The following PCDH15 variants were observed in gnomAD, a reference collection of about 807,000 sequenced individuals.
PCDH15 encodes protocadherin related 15.
In PCDH15, 129 loss-of-function variants were observed where a neutral mutation model predicts 178.5. The observed-to-expected ratio is 0.72, with a 90% CI of 0.63 to 0.84. The LOEUF (loss-of-function observed/expected upper bound fraction) is 0.84. Ranked by LOEUF, PCDH15 falls within the 40% of genes least tolerant of loss-of-function variation. The pLI, the probability that PCDH15 is intolerant of heterozygous loss-of-function variation, is 0.00. For synonymous variants in PCDH15, 800 were observed against 732.0 expected, an observed-to-expected ratio of 1.09 and a Z score of -1.50; for missense variants, 2,230 against 2,099.9, an observed-to-expected ratio of 1.06 and a Z score of -1.21.
chr10:55,494,144 A>T (rs1402140110), intron 2 of PCDH15, among the ~76,000 whole-genome samples: 2 of 151,796 alleles, frequency 1.3e-5, no homozygotes, highest in Non-Finnish European at 2.9e-5. Flanking sequence ...GTTTGTTTAT[A>T]ATGTTGCTCC....
intron 3 of PCDH15, among the ~76,000 whole-genome samples, chr10:54,416,263 G>T (rs1306556876): frequency 6.6e-6 from 1 of 151,926 alleles, no homozygotes; most frequent in African/African-American, 2.4e-5. Context: ...CGTCCTTTAA[G>T]TTGCCTCTCC....
At chr10:54,057,650 C>T (rs998193241) in intron 18 of PCDH15, among the ~76,000 whole-genome samples, 1 of 152,154 alleles carries the variant, frequency 6.6e-6, no homozygotes, top group South Asian at 2.1e-4. Context: ...CTCTGAGATA[C>T]CCTGGAGACA....
chr10:54,192,329 A>G (rs2049120351), intron 11 of PCDH15, among the ~76,000 whole-genome samples: 1 of 152,122 alleles, frequency 6.6e-6, no homozygotes, highest in African/African-American at 2.4e-5. Flanking sequence ...AGACTTGAGT[A>G]AGAAATCAAG....
At chr10:55,155,488 C>CAAAAAAAAAA (rs33986131) in intron 2 of PCDH15, among the ~76,000 whole-genome samples, 2 of 116,022 alleles carry the variant, frequency 1.7e-5, no homozygotes, top group East Asian at 5.1e-4. Context: ...GCAACCAATG[C>CAAAAAAAAAA]AAAAAAAAAA....
At chr10:55,595,196 A>G (rs148604581) in intron 2 of PCDH15, among the ~76,000 whole-genome samples, 4 of 152,208 alleles carry the variant, frequency 2.6e-5, no homozygotes, top group African/African-American at 9.6e-5. Flanking sequence ...ATGTAATTAT[A>G]AATTCAACAT....
At chr10:54,816,707 T>C (rs1952955132) in intron 3 of PCDH15, among the ~76,000 whole-genome samples, 1 of 152,116 alleles carries the variant, frequency 6.6e-6, no homozygotes, top group Non-Finnish European at 1.5e-5. Flanking sequence ...GAGTAGACTT[T>C]AGCAGACCTG....
intron 1 of PCDH15, among the ~76,000 whole-genome samples, chr10:54,767,293 C>A (rs1373156326): frequency 1.3e-5 from 2 of 152,044 alleles, no homozygotes; most frequent in African/African-American, 4.8e-5. Context: ...TAAAACTGAA[C>A]CTATTAAAAC....
At chr10:55,105,795 T>C (rs1842660743) in intron 2 of PCDH15, among the ~76,000 whole-genome samples, 1 of 152,162 alleles carries the variant, frequency 6.6e-6, no homozygotes, top group African/African-American at 2.4e-5. Context: ...TTGGATAATG[T>C]ATGGTAGTTA....
At chr10:55,265,399 A>G (rs909139870) in intron 1 of PCDH15, among the ~76,000 whole-genome samples, 1 of 151,674 alleles carries the variant, frequency 6.6e-6, no homozygotes, top group African/African-American at 2.4e-5. Flanking sequence ...ATTTCACCCA[A>G]ATATTTGAAA....
intron 2 of PCDH15, among the ~76,000 whole-genome samples, chr10:54,912,891 T>A (rs972786840): frequency 1.2e-4 from 19 of 152,138 alleles, no homozygotes; most frequent in African/African-American, 4.6e-4. Context: ...TACTGGGAAC[T>A]GGAGTAAAAG....
rs1842459665 is a variant in PCDH15 at position 55,272,092 on chromosome 10, C to A, written c.-156+47507G>T. On this transcript the variant is annotated intron_variant, in intron 1 of 5. Coordinates refer to the PCDH15 transcript ENST00000458638. ...ATACCTATGTGTTTTTTCTATATAC[C>A]ATTCCTTATACAAGAGTAGCACATA... Among the ~76,000 whole-genome samples the A allele has an allele frequency of 2.0e-5, 3 of 151,874 alleles. No homozygotes were observed. The South Asian group carries it at 6.2e-4, about 31-fold the overall frequency.
intron 2 of PCDH15, among the ~76,000 whole-genome samples, chr10:55,539,247 G>A (rs1215497270): frequency 2.0e-5 from 3 of 151,866 alleles, no homozygotes; most frequent in Non-Finnish European, 2.9e-5. Context: ...ACCACTCACA[G>A]TTACCTTAAC....
chr10:54,104,285 C>A (rs553637012), intron 15 of PCDH15, among the ~76,000 whole-genome samples: 2 of 152,292 alleles, frequency 1.3e-5, no homozygotes, highest in South Asian at 4.1e-4. Flanking sequence ...GTGTCCCCAG[C>A]CTTATCAGGG....
intron 2 of PCDH15, among the ~76,000 whole-genome samples, chr10:55,404,579 C>T (rs1355742336): frequency 1.3e-5 from 2 of 151,678 alleles, no homozygotes; most frequent in African/African-American, 2.4e-5. Context: ...GGTTAGAACT[C>T]GAGCCCAAAA....
intron 2 of PCDH15, among the ~76,000 whole-genome samples, chr10:55,420,629 C>T (rs1341861571): frequency 6.6e-6 from 1 of 151,550 alleles, no homozygotes. Context: ...GGAAATATAA[C>T]CCAAAGGTCC....
At chr10:54,970,645 T>C (rs1368984350) in intron 2 of PCDH15, among the ~76,000 whole-genome samples, 1 of 152,096 alleles carries the variant, frequency 6.6e-6, no homozygotes, top group Non-Finnish European at 1.5e-5. Context: ...TTAAATTGGT[T>C]ACCATTGTGA....
At chr10:54,259,031 A>G (rs1428166624) in intron 8 of PCDH15, among the ~76,000 whole-genome samples, 1 of 152,166 alleles carries the variant, frequency 6.6e-6, no homozygotes, top group Non-Finnish European at 1.5e-5. Flanking sequence ...ATTCATTTAA[A>G]TTATATTTAT....
At chr10:54,460,788 G>A (rs2077118454) in intron 3 of PCDH15, among the ~76,000 whole-genome samples, 1 of 152,078 alleles carries the variant, frequency 6.6e-6, no homozygotes, top group Non-Finnish European at 1.5e-5. Flanking sequence ...GTAGCGAGTT[G>A]AAGGATGATA....
chr10:55,146,932 G>C (rs764662602), intron 2 of PCDH15, among the ~76,000 whole-genome samples: 1 of 151,450 alleles, frequency 6.6e-6, no homozygotes, highest in African/African-American at 2.4e-5. Context: ...ATGTGGCGGG[G>C]TGGGGGGAAG....
Sources: allele counts gnomAD v4.1 joint callset (sites outside exome capture counted in the v4.1 genomes callset), GRCh38; gene constraint gnomAD v4.1.1; transcripts MANE v1.5; gene names NCBI Gene and HGNC (gene_info 2026-07-23, HGNC 2026-07-21).